Variants in LAMB4 observed in about 807,000 individuals in gnomAD.
LAMB4 encodes the protein laminin subunit beta 4, also known as laminin subunit beta-4.
A neutral mutation model predicts 199.2 loss-of-function variants in LAMB4; 196 were observed. The ratio of observed to expected loss-of-function variants is 0.98; its 90% CI spans 0.88 to 1.11. The LOEUF is 1.11. Ranked by LOEUF, LAMB4 falls within the 50% of genes least tolerant of loss-of-function variation. The pLI, the probability that LAMB4 is intolerant of heterozygous loss-of-function variation, is 0.00. For synonymous variants in LAMB4, 744 were observed against 770.6 expected (o/e 0.97, Z 0.57); for missense variants, 2,080 against 2,171.2 (o/e 0.96, Z 0.83).
chr7:108,129,780 C>T (rs1016609206), intron 1 of LAMB4, among the ~76,000 whole-genome samples: 2 of 152,162 alleles, frequency 1.3e-5, no homozygotes, highest in Non-Finnish European at 2.9e-5. Context: ...TTGCCTGCCT[C>T]GGCCTCCCAG....
rs1223703608 is a variant in LAMB4 at position 108,095,296 on chromosome 7, A to G, written c.1402T>C (p.Cys468Arg). 2.5e-6 allele frequency: 4 copies of G among 1,614,050 alleles called. No individual in the cohort carries two copies. Among genetic ancestry groups the G allele is most frequent in the African/African-American group, 1.3e-5 (1 of 75,052 alleles). ...NPLGSLPFLT[C>R]DVDTGQCLCL... ...AAGCATTGGCCTGTATCCACATCAC[A>G]GGTCAAGAATGGCAGACTCCCAAGG... Residue 468 changes from cysteine (C) to arginine (R), a missense_variant, in exon 12 of 34, where the codon TGT (cysteine) becomes CGT (arginine). Physicochemically the swap from Cys to Arg is radical, Grantham distance 180. Coordinates refer to ENST00000388781, the MANE Select transcript of LAMB4 (RefSeq NM_007356.3).
intron 25 of LAMB4, 108 bp downstream of exon 25, chr7:108,055,524 A>T: frequency 1.7e-6 from 2 of 1,187,554 alleles, no homozygotes; most frequent in Non-Finnish European, 2.4e-6. Context: ...CAGTCCCCTA[A>T]AGTCAACATA....
At chr7:108,018,751 T>G (rs535418718), downstream of LAMB4, among the ~76,000 whole-genome samples, 1 of 152,128 alleles carries the variant, frequency 6.6e-6, no homozygotes, top group South Asian at 2.1e-4. Context: ...CTGCCTTCAA[T>G]GTTCAGTTGT....
chr7:108,097,704 A>T (rs1022628857), intron 11 of LAMB4, among the ~76,000 whole-genome samples: 1 of 151,630 alleles, frequency 6.6e-6, no homozygotes, highest in East Asian at 1.9e-4. Flanking sequence ...ACAGAGCGAG[A>T]CTCCGTCTCA....
At chr7:108,028,317 T>C (rs112374010) in intron 33 of LAMB4, among the ~76,000 whole-genome samples, 20 of 152,188 alleles carry the variant, frequency 1.3e-4, no homozygotes, top group Admixed American at 6.5e-4. Context: ...GGCGGGACAA[T>C]TGTTTGCTTA....
At chr7:108,106,851 G>A (rs778645990) in intron 6 of LAMB4, among the ~76,000 whole-genome samples, 8 of 152,030 alleles carry the variant, frequency 5.3e-5, no homozygotes, top group Non-Finnish European at 1.2e-4. Flanking sequence ...ACAGATGTGA[G>A]CCATCACACC....
intron 29 of LAMB4, among the ~76,000 whole-genome samples, chr7:108,042,207 G>A (rs2035444051): frequency 6.6e-6 from 1 of 152,048 alleles, no homozygotes; most frequent in Non-Finnish European, 1.5e-5. Context: ...AGGGCTCTAG[G>A]GACACTGAGC....
At chr7:108,047,780 G>A (rs2035680503) in intron 28 of LAMB4, 128 bp downstream of exon 28, 1 of 717,960 alleles carries the variant, frequency 1.4e-6, no homozygotes, top group Non-Finnish European at 2.4e-6. Context: ...TATATTTCCA[G>A]GCACAAGAAC....
the LAMB4 span, among the ~76,000 whole-genome samples, chr7:108,018,102 G>A: frequency 6.6e-6 from 1 of 152,244 alleles, no homozygotes; most frequent in South Asian, 2.1e-4. Context: ...GAGGATGCTG[G>A]TTCAGCTGCT....
chr7:108,079,705 C>T lies in LAMB4; in HGVS notation c.1783G>A (p.Gly595Arg). ...GGGAGAACCCTGGCAAATCCAGGTC[C>T]AGTCCATGTAACAGGGTTCCCAGGA... ...PVPGNPVTWT[G>R]PGFARVLPGA... Residue 595 changes from glycine to arginine, a missense_variant, in exon 15 of 34, where the codon GGA becomes AGA. Physicochemically the swap from Gly to Arg is moderately radical, Grantham distance 125 (BLOSUM62 -2). Coordinates refer to ENST00000388781, the MANE Select transcript of LAMB4 (RefSeq NM_007356.3). 1 of 1,612,630 alleles carries T rather than the reference C, an allele frequency of 6.2e-7. No individual in the cohort carries two copies. The highest frequency in any genetic ancestry group is 8.5e-7 in the Non-Finnish European group (1 of 1,179,476).
intron 31 of LAMB4, 24 bp downstream of exon 31, chr7:108,034,184 G>A: frequency 6.2e-7 from 1 of 1,612,268 alleles, no homozygotes; most frequent in Non-Finnish European, 8.5e-7. Flanking sequence ...CCTATTTCAG[G>A]TTAGTTTCAA....
At chr7:108,118,196 C>T (rs2038476249) in intron 2 of LAMB4, among the ~76,000 whole-genome samples, 1 of 151,960 alleles carries the variant, frequency 6.6e-6, no homozygotes, top group African/African-American at 2.4e-5. Context: ...GCATTAGAAT[C>T]CTGTTTGATT....
In LAMB4 at chr7:108,111,899, C is replaced by A. The variant is rs558563991; in HGVS notation, c.240G>T (p.Pro80=). The part of the protein sequence containing the change: ...FICDSRFPYD[P]YDQPNSHTIE... ...TGGTGTGGCTGTTGGGTTGGTCATA[C>A]GGATCATATGGAAATCTAGAGTCAC... Residue 80 remains proline, a synonymous_variant, in exon 4 of 34, where the codon CCG becomes CCT. Transcript: ENST00000388781. The A allele has an allele frequency of 6.2e-7, 1 of 1,611,404 alleles. No homozygotes were observed. The highest frequency in any genetic ancestry group is 1.1e-5 in the South Asian group (1 of 90,446).
the LAMB4 span, among the ~76,000 whole-genome samples, chr7:108,012,234 T>C: frequency 6.6e-6 from 1 of 152,122 alleles, no homozygotes; most frequent in Non-Finnish European, 1.5e-5. Flanking sequence ...ATTTCTAATT[T>C]TCTATTTCTA....
chr7:108,066,337 C>A (rs2036339884), intron 20 of LAMB4, 32 bp downstream of exon 20: 2 of 1,512,640 alleles, frequency 1.3e-6, no homozygotes, highest in South Asian at 2.3e-5. Flanking sequence ...GTGTTAAAGA[C>A]CTAAAAATTA....
chr7:108,042,655 C>T (rs1636958), intron 29 of LAMB4, among the ~76,000 whole-genome samples: 17,451 of 152,038 alleles, frequency 0.11, 1,588 homozygotes, highest in African/African-American at 0.25. Flanking sequence ...GTAATTTCCA[C>T]CTGATTTTTG....
At chr7:108,084,978 A>G (rs1043918335) in intron 14 of LAMB4, among the ~76,000 whole-genome samples, 2 of 151,766 alleles carry the variant, frequency 1.3e-5, no homozygotes, top group Non-Finnish European at 2.9e-5. Flanking sequence ...GGCTCAAGTA[A>G]TCCTCCCATC....
In LAMB4 at chr7:108,091,691, C is replaced by T; in HGVS notation, c.1636G>A (p.Ala546Thr). ...TCGTAGAGATAGAAATTCAAAGGAG[C>T]AAAGAAGTAGCCAGGGGCTGGTTCA... is the stretch of plus-strand genomic sequence containing the variant. ...CSEPAPGYFF[A>T]PLNFYLYEAE... The change falls in exon 14 of 34, where the codon GCT becomes ACT. Residue 546 changes from alanine to threonine, a missense_variant. Physicochemically the swap from Ala to Thr is moderately conservative, Grantham distance 58. Transcript: ENST00000388781. 6.2e-7 allele frequency: 1 copy of T among 1,614,112 alleles called. No individual in the cohort carries two copies. The highest frequency in any genetic ancestry group is 2.2e-5 in the East Asian group (1 of 44,882).
chr7:108,088,180 T>G (rs1265508782), intron 14 of LAMB4, among the ~76,000 whole-genome samples: 5 of 141,544 alleles, frequency 3.5e-5, no homozygotes, highest in African/African-American at 7.8e-5. Flanking sequence ...TTTTTTTTTT[T>G]GGGAGAGAGT....
Sources: gnomAD v4.1 joint callset for allele counts (sites outside exome capture counted in the v4.1 genomes callset) on GRCh38, gnomAD v4.1.1 for gene constraint, MANE v1.5 for transcripts, NCBI Gene and HGNC (gene_info 2026-07-23, HGNC 2026-07-21) for gene names.